The following ADAMTSL1 variants were observed in gnomAD, a reference collection of about 807,000 sequenced individuals.
ADAMTSL1 encodes ADAMTS like 1, also known as ADAMTS-like protein 1.
ADAMTSL1 carries 126 observed loss-of-function variants against 201.8 expected under a neutral mutation model. The observed-to-expected ratio is 0.62, with a 90% CI of 0.54 to 0.72. ADAMTSL1 has a LOEUF of 0.72. Among genes scored for constraint, ADAMTSL1 ranks in the 30% least tolerant of loss-of-function variants. The pLI is 0.00. For missense variants in ADAMTSL1, 2,679 were observed against 2,277.8 expected, an observed-to-expected ratio of 1.18 and a Z score of -3.59; for synonymous variants, 1,121 against 903.4, an observed-to-expected ratio of 1.24 and a Z score of -4.32.
rs201058852 is a variant in ADAMTSL1, at chr9:18,228,842, G to T, written c.207+64861G>T. On this transcript the variant is annotated intron_variant, in intron 2 of 29. Coordinates refer to the ADAMTSL1 transcript ENST00000680146. ...TGTGATTGTGATTCAGAGTTTTTTT[G>T]TTTTTTTTTTTTTTGTAGTTTGCTT... Among the ~76,000 whole-genome samples, 837 of 139,896 alleles carry T rather than the reference G, an allele frequency of 6.0e-3. 4 individuals are homozygous for T. Among genetic ancestry groups the T allele is most frequent in the South Asian group, 0.016 (69 of 4,358 alleles). The allele number at this position is 139,896 out of a possible 152,430, so 91.8% of individuals were successfully genotyped here.
At chr9:18,077,361 A>T (rs1379728274) in intron 1 of ADAMTSL1, among the ~76,000 whole-genome samples, 3 of 152,164 alleles carry the variant, frequency 2.0e-5, no homozygotes, top group Non-Finnish European at 4.4e-5. Context: ...TCCCTTATTG[A>T]GTGTTCATGG....
At chr9:18,075,949 G>A (rs1476054748) in intron 1 of ADAMTSL1, among the ~76,000 whole-genome samples, 1 of 152,222 alleles carries the variant, frequency 6.6e-6, no homozygotes. Flanking sequence ...AAGTAGTGTA[G>A]TGTCAACACA....
At position 18,102,873 on chromosome 9, in the gene ADAMTSL1, A is replaced by G. The variant is rs550967677; in HGVS notation, c.88-60989A>G. On this transcript the variant is annotated intron_variant, in intron 1 of 29. Coordinates refer to the ADAMTSL1 transcript ENST00000680146. ...ATAATAGATTTGAATAATCAGAGCT[A>G]GAAGATGATTCTGTGTGGAGGGTCA... is the stretch of plus-strand genomic sequence containing the variant. Among the ~76,000 whole-genome samples the G allele has an allele frequency of 4.6e-5, 7 of 152,350 alleles. 1 individual carries two copies. The South Asian group carries it at 1.4e-3, about 32-fold the overall frequency.
chr9:18,759,997 TCTAA>T (rs1254503171), intron 16 of ADAMTSL1, among the ~76,000 whole-genome samples: 2 of 152,206 alleles, frequency 1.3e-5, no homozygotes, highest in African/African-American at 4.8e-5. Context: ...TAGCACCGTG[TCTAA>T]CTGCCTTTGG....
intron 26 of ADAMTSL1, among the ~76,000 whole-genome samples, chr9:18,902,639 T>C (rs1830075274): frequency 6.6e-6 from 1 of 152,080 alleles, no homozygotes; most frequent in South Asian, 2.1e-4. Flanking sequence ...TGTAAATGCT[T>C]ACATTAAAAA....
In ADAMTSL1 at chr9:18,733,631, C is replaced by CA. The variant is rs369119557; in HGVS notation, c.2006+11966_2006+11967insA. ...TGTAAATTACCGACACCACCACTCC[C>CA]CCCACACACACACTCACTCGCTCAC... On this transcript the variant is annotated intron_variant, in intron 15 of 28. Coordinates refer to ENST00000380548, the MANE Select transcript of ADAMTSL1 (RefSeq NM_001040272.6). Among the ~76,000 whole-genome samples, 150 of 144,430 alleles carry CA rather than the reference C, an allele frequency of 1.0e-3. 1 individual carries two copies. Among genetic ancestry groups the CA allele is most frequent in the Non-Finnish European group, 1.7e-3 (114 of 66,108 alleles). The allele number at this position is 144,430 out of a possible 152,430, so 94.8% of individuals were successfully genotyped here.
chr9:18,408,894 AAATAT>A (rs1216793771), intron 2 of ADAMTSL1, among the ~76,000 whole-genome samples: 2 of 152,228 alleles, frequency 1.3e-5, no homozygotes, highest in South Asian at 2.1e-4. Flanking sequence ...TTTAAGAGTA[AAATAT>A]AATATAGGAT....
chr9:17,975,009 T>C (rs554361996), intron 1 of ADAMTSL1, among the ~76,000 whole-genome samples: 87 of 152,180 alleles, frequency 5.7e-4, no homozygotes, highest in African/African-American at 2.0e-3. Flanking sequence ...CCCTTTTTTT[T>C]CACATCCTCC....
intron 7 of ADAMTSL1, 114 bp from the exon 8 acceptor site, chr9:18,657,525 T>C: frequency 1.4e-6 from 1 of 707,074 alleles, no homozygotes; most frequent in Non-Finnish European, 2.5e-6. Context: ...CGCAGTGCAG[T>C]CCCTCACACA....
At chr9:18,536,885 A>AT (rs1819806386) in intron 3 of ADAMTSL1, among the ~76,000 whole-genome samples, 1 of 152,106 alleles carries the variant, frequency 6.6e-6, no homozygotes, top group Non-Finnish European at 1.5e-5. Context: ...TTAATTAGGG[A>AT]TTTTAAAGTG....
chr9:18,833,244 A>G (rs1825103734), intron 23 of ADAMTSL1, among the ~76,000 whole-genome samples: 1 of 152,212 alleles, frequency 6.6e-6, no homozygotes, highest in African/African-American at 2.4e-5. Context: ...AGAGGGTTGA[A>G]TGATATTTCT....
At position 18,892,244 on chromosome 9, in the gene ADAMTSL1, T is replaced by TATCA. The variant is rs113937850; in HGVS notation, c.4644-140_4644-137dup. ...CTTTTGGAGGAGTCATTTTTCAGCCTATCAATCATCTTTCCAAGTAAATAC... is the reference window on the plus strand; with the variant it reads ...CTTTTGGAGGAGTCATTTTTCAGCCTATCAATCAATCATCTTTCCAAGTAAATAC... On this transcript the variant is annotated intron_variant, in intron 25 of 28. Coordinates refer to ENST00000380548, the MANE Select transcript of ADAMTSL1 (RefSeq NM_001040272.6). 3.6e-4 allele frequency: 270 copies of TATCA among 745,800 alleles called. 2 individuals carry two copies. In the African/African-American group the frequency reaches 4.0e-3, roughly 11 times the overall value. The allele number at this position is 745,800 out of a possible 1,614,324, so 46.2% of individuals were successfully genotyped here.
intron 1 of ADAMTSL1, among the ~76,000 whole-genome samples, chr9:18,086,522 A>C (rs775820135): frequency 6.6e-6 from 1 of 152,180 alleles, no homozygotes; most frequent in African/African-American, 2.4e-5. Flanking sequence ...TTTGAATTCC[A>C]TGACTATGAT....
chr9:18,303,134 G>T (rs1291184792), intron 2 of ADAMTSL1, among the ~76,000 whole-genome samples: 4 of 152,170 alleles, frequency 2.6e-5, no homozygotes, highest in African/African-American at 9.7e-5. Context: ...CTTATTTAAA[G>T]AAAATAATGG....
intron 23 of ADAMTSL1, among the ~76,000 whole-genome samples, chr9:18,868,111 T>C (rs1827656341): frequency 1.3e-5 from 2 of 152,364 alleles, no homozygotes; most frequent in South Asian, 4.1e-4. Flanking sequence ...CATCTGCTAT[T>C]GATCCTATCC....
intron 2 of ADAMTSL1, among the ~76,000 whole-genome samples, chr9:18,244,507 C>T (rs906327082): frequency 2.0e-5 from 3 of 152,030 alleles, no homozygotes; most frequent in Admixed American, 6.6e-5. Context: ...CAGCCAAACT[C>T]AACTACTCTC....
At chr9:18,103,685 A>T (rs927221874) in intron 1 of ADAMTSL1, among the ~76,000 whole-genome samples, 2 of 152,178 alleles carry the variant, frequency 1.3e-5, no homozygotes, top group African/African-American at 4.8e-5. Flanking sequence ...TGCTATAAAA[A>T]CAGCAATGTT....
intron 2 of ADAMTSL1, among the ~76,000 whole-genome samples, chr9:18,164,264 C>A (rs894326285): frequency 6.6e-6 from 1 of 151,732 alleles, no homozygotes; most frequent in South Asian, 2.1e-4. Flanking sequence ...GTTTTGCCAG[C>A]GAGTCTGAAC....
At chr9:18,438,264 G>A (rs1819838555) in intron 2 of ADAMTSL1, among the ~76,000 whole-genome samples, 1 of 152,050 alleles carries the variant, frequency 6.6e-6, no homozygotes. Context: ...GAGAAATAGA[G>A]GGAGAGAAAG....
Sources: allele counts gnomAD v4.1 joint callset (sites outside exome capture counted in the v4.1 genomes callset), GRCh38; gene constraint gnomAD v4.1.1; transcripts MANE v1.5; gene names NCBI Gene and HGNC (gene_info 2026-07-23, HGNC 2026-07-21).